The following RNF180 variants were observed in gnomAD, a reference collection of about 807,000 sequenced individuals.
The protein encoded by RNF180 is E3 ubiquitin-protein ligase RNF180.
Under a neutral mutation model 59.2 loss-of-function variants are expected in RNF180, and 38 were observed. The observed-to-expected ratio is 0.64, with a 90% CI of 0.50 to 0.84. The LOEUF (loss-of-function observed/expected upper bound fraction) is 0.84, where lower values mean the gene tolerates loss of function less well. RNF180 is among the 40% of genes least tolerant of loss of function. RNF180 has a pLI of 0.00. For missense variants in RNF180, 705 were observed against 700.9 expected, an observed-to-expected ratio of 1.01 and a Z score of -0.07; for synonymous variants, 262 against 240.3, an observed-to-expected ratio of 1.09 and a Z score of -0.84.
intron 7 of RNF180, among the ~76,000 whole-genome samples, chr5:64,340,666 T>C (rs1377741304): frequency 2.0e-4 from 30 of 152,298 alleles, no homozygotes; most frequent in Non-Finnish European, 4.3e-4. Context: ...CCTCTGAAAC[T>C]GGAACAATTT....
intron 1 of RNF180, among the ~76,000 whole-genome samples, chr5:64,172,741 G>A (rs1162567675): frequency 6.6e-6 from 1 of 152,202 alleles, no homozygotes; most frequent in African/African-American, 2.4e-5. Context: ...TTGCAGGAGA[G>A]TTGACCCTCG....
At chr5:64,184,289 G>A (rs1012857450) in intron 1 of RNF180, among the ~76,000 whole-genome samples, 7 of 152,154 alleles carry the variant, frequency 4.6e-5, no homozygotes, top group East Asian at 3.8e-4. Flanking sequence ...AACTCATACC[G>A]TTGTCCTGTT....
chr5:64,329,399 A>G (rs1333277453), intron 6 of RNF180, among the ~76,000 whole-genome samples: 1 of 151,728 alleles, frequency 6.6e-6, no homozygotes, highest in Non-Finnish European at 1.5e-5. Flanking sequence ...TGGTTTCAGG[A>G]TGAAACTTTT....
At chr5:64,312,803 C>T (rs1375733045) in intron 5 of RNF180, among the ~76,000 whole-genome samples, 2 of 151,712 alleles carry the variant, frequency 1.3e-5, no homozygotes, top group Non-Finnish European at 2.9e-5. Context: ...AAAGAAAACA[C>T]AGGAACCTCA....
At chr5:64,224,934 G>A (rs1470351220) in intron 5 of RNF180, among the ~76,000 whole-genome samples, 3 of 152,180 alleles carry the variant, frequency 2.0e-5, no homozygotes, top group African/African-American at 7.2e-5. Context: ...ATGCAGCAAG[G>A]AGGCCTTCAC....
At chr5:64,173,292 T>G (rs947192235) in intron 1 of RNF180, among the ~76,000 whole-genome samples, 3 of 152,234 alleles carry the variant, frequency 2.0e-5, no homozygotes, top group African/African-American at 7.2e-5. Flanking sequence ...ATACAATTTT[T>G]GTTGTCATAT....
At chr5:64,346,373 T>C (rs1261460965) in intron 7 of RNF180, among the ~76,000 whole-genome samples, 2 of 138,436 alleles carry the variant, frequency 1.4e-5, no homozygotes, top group South Asian at 4.8e-4. Context: ...TTTTTTTTTT[T>C]TTTTTTTTTT....
chr5:64,262,864 T>C (rs1180791110), intron 5 of RNF180, among the ~76,000 whole-genome samples: 1 of 152,146 alleles, frequency 6.6e-6, no homozygotes, highest in Non-Finnish European at 1.5e-5. Context: ...AAAGGAATAT[T>C]TGTGGTATAC....
intron 5 of RNF180, among the ~76,000 whole-genome samples, chr5:64,256,507 G>C (rs1743974246): frequency 6.6e-6 from 1 of 152,170 alleles, no homozygotes; most frequent in South Asian, 2.1e-4. Flanking sequence ...AGATCAGATG[G>C]TTGTAGGTGT....
At chr5:64,359,749 T>C (rs1437114412) in intron 7 of RNF180, among the ~76,000 whole-genome samples, 1 of 152,012 alleles carries the variant, frequency 6.6e-6, no homozygotes, top group Non-Finnish European at 1.5e-5. Context: ...GGTTTTCTTC[T>C]AGGGTTTTTA....
intron 7 of RNF180, among the ~76,000 whole-genome samples, chr5:64,345,110 A>G (rs1745505234): frequency 6.6e-6 from 1 of 152,162 alleles, no homozygotes; most frequent in African/African-American, 2.4e-5. Flanking sequence ...TATAGCCCCT[A>G]AAGGGCTTCT....
intron 1 of RNF180, among the ~76,000 whole-genome samples, chr5:64,194,887 A>G (rs1751377529): frequency 6.6e-6 from 1 of 152,236 alleles, no homozygotes; most frequent in Admixed American, 6.5e-5. Flanking sequence ...AAGTTTTAAA[A>G]GAAATTTTCA....
intron 1 of RNF180, among the ~76,000 whole-genome samples, chr5:64,179,785 CATATT>C (rs1202127524): frequency 6.6e-6 from 1 of 152,112 alleles, no homozygotes; most frequent in Non-Finnish European, 1.5e-5. Flanking sequence ...CATGGATAGA[CATATT>C]TTATTTTATC....
At chr5:64,335,201 T>C (rs998212068) in intron 7 of RNF180, among the ~76,000 whole-genome samples, 23 of 152,182 alleles carry the variant, frequency 1.5e-4, no homozygotes, top group African/African-American at 5.5e-4. Flanking sequence ...TGGTTGTATT[T>C]TTTTGTTGTT....
intron 4 of RNF180, among the ~76,000 whole-genome samples, chr5:64,216,228 A>G (rs1752615714): frequency 6.6e-6 from 1 of 152,144 alleles, no homozygotes; most frequent in African/African-American, 2.4e-5. Context: ...TGTTAGTGAT[A>G]TAAGTATACA....
At chr5:64,309,384 G>A (rs914079621) in intron 5 of RNF180, among the ~76,000 whole-genome samples, 1 of 151,730 alleles carries the variant, frequency 6.6e-6, no homozygotes, top group Non-Finnish European at 1.5e-5. Context: ...AATGAAAGCC[G>A]TGATCCCATC....
intron 7 of RNF180, among the ~76,000 whole-genome samples, chr5:64,348,268 T>C (rs1034525442): frequency 3.3e-5 from 5 of 152,108 alleles, no homozygotes; most frequent in African/African-American, 1.2e-4. Context: ...CTTTCGTTAC[T>C]TTTTTCTGGC....
At chr5:64,257,713 G>T (rs1472769717) in intron 5 of RNF180, among the ~76,000 whole-genome samples, 1 of 152,094 alleles carries the variant, frequency 6.6e-6, no homozygotes, top group Non-Finnish European at 1.5e-5. Flanking sequence ...GATGATGCTG[G>T]CCTCATAAAA....
chr5:64,358,012 C>G (rs1243670663), intron 7 of RNF180, among the ~76,000 whole-genome samples: 1 of 151,766 alleles, frequency 6.6e-6, no homozygotes, highest in Admixed American at 6.6e-5. Flanking sequence ...GCTTGTTTTT[C>G]CATGTGGGAA....
Sources: allele counts gnomAD v4.1 joint callset (sites outside exome capture counted in the v4.1 genomes callset), GRCh38; gene constraint gnomAD v4.1.1; transcripts MANE v1.5; gene names NCBI Gene and HGNC (gene_info 2026-07-23, HGNC 2026-07-21).